MCTP2: variants seen among roughly 807,000 people sequenced by gnomAD.
MCTP2 encodes the protein multiple C2 and transmembrane domain containing 2.
A neutral mutation model predicts 111.6 loss-of-function variants in MCTP2; 132 were observed. The observed-to-expected ratio is 1.18, with a 90% CI of 1.03 to 1.37. The LOEUF (loss-of-function observed/expected upper bound fraction) is 1.37. Among genes scored for constraint, MCTP2 ranks in the 40% most tolerant of loss-of-function variants. The pLI, the probability that MCTP2 is intolerant of heterozygous loss-of-function variation, is 0.00. For missense variants in MCTP2, 1,183 were observed against 1,067.9 expected (o/e 1.11, Z -1.50); for synonymous variants, 395 against 387.7 (o/e 1.02, Z -0.22).
At chr15:94,444,001 A>AAAAAAAAAAAAAAG (rs2083966189) in intron 19 of MCTP2, among the ~76,000 whole-genome samples, 1 of 149,996 alleles carries the variant, frequency 6.7e-6, no homozygotes, top group Non-Finnish European at 1.5e-5. Context: ...AAAAAAAAAA[A>AAAAAAAAAAAAAAG]AAAAACAGAA....
chr15:94,481,086 C>T lies in MCTP2; in HGVS notation c.*2052C>T, dbSNP rs1036757743. On this transcript the variant is annotated 3_prime_UTR_variant, in exon 23 of 23. Coordinates refer to ENST00000357742, the MANE Select transcript of MCTP2 (RefSeq NM_001385001.1). ...TGTCAAAAACTTTTAGGAAAGATTC[C>T]AGAATGCTTTTGATAAAATTTATCG... 14 of 152,134 alleles carry T rather than the reference C, an allele frequency of 9.2e-5. No homozygotes were observed. Among genetic ancestry groups the T allele is most frequent in the African/African-American group, 3.4e-4 (14 of 41,418 alleles). The allele number at this position is 152,134 out of a possible 1,614,324, so 9.4% of individuals were successfully genotyped here.
intron 1 of MCTP2, among the ~76,000 whole-genome samples, chr15:94,263,751 T>G (rs2073341978): frequency 6.6e-6 from 1 of 152,236 alleles, no homozygotes; most frequent in African/African-American, 2.4e-5. Flanking sequence ...TTCTTCAGCC[T>G]CCTCTGGGAA....
intron 8 of MCTP2, among the ~76,000 whole-genome samples, chr15:94,352,427 G>T (rs1251400315): frequency 6.6e-6 from 1 of 152,198 alleles, no homozygotes; most frequent in African/African-American, 2.4e-5. Flanking sequence ...TGAGGTGGGG[G>T]CTGAGAAAGA....
At chr15:94,407,664 T>G (rs968124165) in intron 17 of MCTP2, among the ~76,000 whole-genome samples, 4 of 152,124 alleles carry the variant, frequency 2.6e-5, no homozygotes, top group Admixed American at 1.3e-4. Context: ...TATAGAATTT[T>G]TAGCTTTTAG....
intron 8 of MCTP2, among the ~76,000 whole-genome samples, chr15:94,350,079 A>G (rs1405695932): frequency 2.6e-5 from 4 of 152,154 alleles, no homozygotes; most frequent in Non-Finnish European, 5.9e-5. Flanking sequence ...ATCTTTGAAC[A>G]AGTCCTCCAG....
intron 10 of MCTP2, among the ~76,000 whole-genome samples, chr15:94,361,005 A>G (rs918322327): frequency 6.7e-6 from 1 of 150,114 alleles, no homozygotes; most frequent in Non-Finnish European, 1.5e-5. Flanking sequence ...TCTCAGACTG[A>G]AAGATTGTGC....
intron 1 of MCTP2, among the ~76,000 whole-genome samples, chr15:94,249,474 C>T (rs2072249599): frequency 2.0e-5 from 3 of 151,958 alleles, no homozygotes; most frequent in Admixed American, 2.0e-4. Flanking sequence ...ATATTTCCCA[C>T]TGAGTCTCAG....
chr15:94,436,488 G>A (rs1471821069), intron 17 of MCTP2, among the ~76,000 whole-genome samples: 1 of 152,008 alleles, frequency 6.6e-6, no homozygotes, highest in Non-Finnish European at 1.5e-5. Flanking sequence ...ATATCTAAAG[G>A]CAATATGGTC....
intron 19 of MCTP2, among the ~76,000 whole-genome samples, chr15:94,454,623 A>G: frequency 6.6e-6 from 1 of 151,548 alleles, no homozygotes; most frequent in East Asian, 1.9e-4. Flanking sequence ...ACCCTAAATT[A>G]TGGTCATAAT....
At chr15:94,298,936 TCC>T (rs2075435591) in intron 2 of MCTP2, among the ~76,000 whole-genome samples, 1 of 5,648 alleles carries the variant, frequency 1.8e-4, no homozygotes, top group African/African-American at 1.0e-3. Context: ...TCTTTCCCTC[TCC>T]CTCTCTCCCT....
intron 21 of MCTP2, among the ~76,000 whole-genome samples, chr15:94,471,600 T>A (rs576103541): frequency 6.6e-6 from 1 of 152,230 alleles, no homozygotes; most frequent in South Asian, 2.1e-4. Context: ...TATTCAGGGA[T>A]CTATTTTAAT....
At chr15:94,337,185 C>T (rs1222944947) in intron 4 of MCTP2, among the ~76,000 whole-genome samples, 3 of 152,100 alleles carry the variant, frequency 2.0e-5, no homozygotes, top group Non-Finnish European at 2.9e-5. Context: ...TAACAATTAA[C>T]GCGGCACTAA....
intron 19 of MCTP2, 102 bp downstream of exon 19, chr15:94,443,062 T>TC: frequency 2.3e-6 from 2 of 857,956 alleles, no homozygotes; most frequent in Non-Finnish European, 3.5e-6. Flanking sequence ...TTTTTTTTTT[T>TC]TTAATATGAT....
At chr15:94,258,371 A>G (rs1028044297) in intron 1 of MCTP2, among the ~76,000 whole-genome samples, 2 of 152,162 alleles carry the variant, frequency 1.3e-5, no homozygotes, top group Non-Finnish European at 2.9e-5. Context: ...AAGGACATGC[A>G]AATCTTTTTA....
chr15:94,353,692 C>T (rs1196171598), intron 8 of MCTP2, among the ~76,000 whole-genome samples: 1 of 152,020 alleles, frequency 6.6e-6, no homozygotes, highest in African/African-American at 2.4e-5. Context: ...GGCCGTGGGA[C>T]AGGTCATGCT....
intron 21 of MCTP2, among the ~76,000 whole-genome samples, chr15:94,471,340 T>C (rs1455072216): frequency 6.6e-6 from 1 of 152,232 alleles, no homozygotes; most frequent in Non-Finnish European, 1.5e-5. Flanking sequence ...GAAGAGACTG[T>C]GTTGAGACGC....
intron 20 of MCTP2, among the ~76,000 whole-genome samples, chr15:94,469,936 C>G (rs2073774241): frequency 6.6e-6 from 1 of 151,974 alleles, no homozygotes; most frequent in Non-Finnish European, 1.5e-5. Context: ...ACCATAATTA[C>G]TAGTAACCGT....
At chr15:94,465,637 T>C (rs1208634403) in intron 20 of MCTP2, among the ~76,000 whole-genome samples, 1 of 152,154 alleles carries the variant, frequency 6.6e-6, no homozygotes, top group Non-Finnish European at 1.5e-5. Flanking sequence ...TTTCAAATGT[T>C]TCTCTTGTAT....
rs538355197 is a variant in MCTP2 at position 94,438,122 on chromosome 15, C to T, written c.2086-2054C>T. ...TGTAAAAGACTAATATATTTGATTA[C>T]GTAAAACCACTATTTCAGCCCATGT... is the stretch of plus-strand genomic sequence containing the variant. On this transcript the variant is annotated intron_variant, in intron 17 of 22. Transcript: ENST00000357742. Among the ~76,000 whole-genome samples the T allele has an allele frequency of 2.3e-4, 35 of 152,092 alleles. No homozygotes were observed. In the South Asian group the frequency reaches 5.8e-3, roughly 25 times the overall value.
Sources: allele counts gnomAD v4.1 joint callset (sites outside exome capture counted in the v4.1 genomes callset), GRCh38; gene constraint gnomAD v4.1.1; transcripts MANE v1.5; gene names NCBI Gene and HGNC (gene_info 2026-07-23, HGNC 2026-07-21).